CBLB: variants seen among roughly 807,000 people sequenced by gnomAD.
CBLB encodes the protein Cbl proto-oncogene B, also known as E3 ubiquitin-protein ligase CBL-B.
CBLB carries 31 observed loss-of-function variants against 104.9 expected under a neutral mutation model. That is an observed-to-expected ratio of 0.30 (90% CI 0.22 to 0.40). CBLB has a LOEUF of 0.40. Ranked by LOEUF, CBLB falls within the 10% of genes least tolerant of loss-of-function variation. The pLI is 1.00. For missense variants in CBLB, 1,062 were observed against 1,214.6 expected, an observed-to-expected ratio of 0.87 and a Z score of 1.87; for synonymous variants, 440 against 422.6, an observed-to-expected ratio of 1.04 and a Z score of -0.51.
At chr3:105,827,521 G>A (rs563807078) in intron 3 of CBLB, among the ~76,000 whole-genome samples, 12 of 152,102 alleles carry the variant, frequency 7.9e-5, no homozygotes, top group Admixed American at 2.0e-4. Context: ...CAGAAGTAAC[G>A]CCAGGAACCT....
chr3:105,755,016 CT>C (rs67405809), intron 4 of CBLB, among the ~76,000 whole-genome samples: 35,428 of 140,190 alleles, frequency 0.25, 3,803 homozygotes, highest in East Asian at 0.39. Context: ...AGTATCTTTT[CT>C]TTTTTTTTTT....
chr3:105,712,355 T>C (rs1310697736), intron 10 of CBLB, among the ~76,000 whole-genome samples: 2 of 152,192 alleles, frequency 1.3e-5, no homozygotes, highest in African/African-American at 4.8e-5. Flanking sequence ...CAGTGGCTTC[T>C]TATGCCCTTT....
intron 12 of CBLB, among the ~76,000 whole-genome samples, chr3:105,701,740 G>C (rs1186992732): frequency 1.3e-5 from 2 of 150,104 alleles, no homozygotes; most frequent in African/African-American, 4.9e-5. Context: ...TCCAGCCTGG[G>C]GGGCAAGAGC....
intron 2 of CBLB, among the ~76,000 whole-genome samples, chr3:105,866,785 C>G (rs1325348793): frequency 6.6e-6 from 1 of 152,136 alleles, no homozygotes; most frequent in Non-Finnish European, 1.5e-5. Context: ...TCAGCCTCAC[C>G]ACCCCCAACA....
At chr3:105,717,183 T>C (rs1259744534) in intron 10 of CBLB, among the ~76,000 whole-genome samples, 1 of 152,184 alleles carries the variant, frequency 6.6e-6, no homozygotes, top group Admixed American at 6.6e-5. Context: ...ACAAAAATTC[T>C]TTTTAAAATT....
intron 3 of CBLB, among the ~76,000 whole-genome samples, chr3:105,818,454 C>A (rs1346313665): frequency 1.3e-5 from 2 of 151,920 alleles, no homozygotes; most frequent in Non-Finnish European, 1.5e-5. Context: ...ACTGAAAGTA[C>A]CAGAGCAATT....
At chr3:105,778,745 T>C (rs138142723) in intron 3 of CBLB, among the ~76,000 whole-genome samples, 1 of 152,296 alleles carries the variant, frequency 6.6e-6, no homozygotes, top group African/African-American at 2.4e-5. Context: ...GCACAACTCA[T>C]CCTAATCCAA....
chr3:105,679,287 CCT>C (rs752919484), intron 16 of CBLB, among the ~76,000 whole-genome samples: 4 of 148,440 alleles, frequency 2.7e-5, no homozygotes, highest in African/African-American at 7.5e-5. Flanking sequence ...TTATTTGTCC[CCT>C]GTCACACCTT....
In CBLB at chr3:105,670,477, G is replaced by A. The variant is rs2064954036; in HGVS notation, c.2570-125C>T. On this transcript the variant is annotated intron_variant, in intron 17 of 18. Transcript: ENST00000394030. ...AAATAAATTAGAAAATTAAATTCAT[G>A]ACTGATATTAACCATTTTTTACTGC... 9 of 795,546 alleles carry A rather than the reference G, an allele frequency of 1.1e-5. No homozygotes were observed. The East Asian group carries it at 2.2e-4, about 19-fold the overall frequency. 49.3% of individuals were successfully genotyped at this position (795,546 alleles called of 1,614,324 possible).
intron 3 of CBLB, among the ~76,000 whole-genome samples, chr3:105,805,645 A>G (rs12497428): frequency 0.18 from 27,637 of 151,932 alleles, 2,959 homozygotes; most frequent in Admixed American, 0.28. Context: ...TTATTCCCTC[A>G]ACTGCCAGGT....
chr3:105,846,855 C>T (rs960236628), intron 3 of CBLB, among the ~76,000 whole-genome samples: 1 of 152,096 alleles, frequency 6.6e-6, no homozygotes, highest in Non-Finnish European at 1.5e-5. Context: ...ACAAATTACA[C>T]ATACAGATCA....
chr3:105,660,034 T>C (rs908220213), intron 18 of CBLB, among the ~76,000 whole-genome samples: 5 of 152,084 alleles, frequency 3.3e-5, no homozygotes, highest in African/African-American at 1.2e-4. Flanking sequence ...ACCAATGACA[T>C]TGGCACCCAT....
chr3:105,862,980 G>T (rs1167666443), intron 2 of CBLB, among the ~76,000 whole-genome samples: 1 of 152,056 alleles, frequency 6.6e-6, no homozygotes, highest in Non-Finnish European at 1.5e-5. Flanking sequence ...TTACTCTATG[G>T]CATAGCTATT....
chr3:105,818,178 CAAAT>C lies in CBLB; in HGVS notation c.419+35232_419+35235del, dbSNP rs772124238. Among the ~76,000 whole-genome samples the C allele has an allele frequency of 2.0e-5, 3 of 152,020 alleles. No homozygotes were observed. In the East Asian group the frequency reaches 5.8e-4, roughly 29 times the overall value. ...GAATGATTATTCCAAAGAATGGACA[CAAAT>C]AAATTTGTAATAATAAAATGTATTT... On this transcript the variant is annotated intron_variant, in intron 3 of 18. Transcript: ENST00000394030.
chr3:105,864,556 G>A (rs1010116001), intron 2 of CBLB, among the ~76,000 whole-genome samples: 1 of 152,148 alleles, frequency 6.6e-6, no homozygotes, highest in Non-Finnish European at 1.5e-5. Context: ...AATCTGTAAT[G>A]GGATGTTTTG....
At chr3:105,671,515 G>A (rs2065056293) in intron 17 of CBLB, 1 of 214,242 alleles carries the variant, frequency 4.7e-6, no homozygotes, top group Admixed American at 5.8e-5. Context: ...TTTAAAATCA[G>A]TGAAACCTGA....
intron 18 of CBLB, among the ~76,000 whole-genome samples, chr3:105,661,019 T>C (rs990869036): frequency 6.6e-5 from 10 of 151,720 alleles, no homozygotes; most frequent in African/African-American, 2.2e-4. Context: ...ACCAGGCTGG[T>C]CTCGAACTCC....
At chr3:105,663,427 G>A (rs569734466) in intron 18 of CBLB, among the ~76,000 whole-genome samples, 2 of 152,198 alleles carry the variant, frequency 1.3e-5, no homozygotes, top group East Asian at 1.9e-4. Flanking sequence ...CTGATCACAG[G>A]TTCACATTAT....
At chr3:105,679,102 G>T (rs2065992573) in intron 16 of CBLB, among the ~76,000 whole-genome samples, 1 of 151,852 alleles carries the variant, frequency 6.6e-6, no homozygotes, top group Admixed American at 6.6e-5. Context: ...TTGATATGCT[G>T]TCAAAATATA....
Sources: allele counts gnomAD v4.1 joint callset (sites outside exome capture counted in the v4.1 genomes callset), GRCh38; gene constraint gnomAD v4.1.1; transcripts MANE v1.5; gene names NCBI Gene and HGNC (gene_info 2026-07-23, HGNC 2026-07-21).